The following EIF4E variants were observed in gnomAD, a reference collection of about 807,000 sequenced individuals.
The protein encoded by EIF4E is eukaryotic translation initiation factor 4E.
For missense variants in EIF4E, 113 were observed against 265.6 expected (o/e 0.43, Z 3.99); for synonymous variants, 71 against 88.5 (o/e 0.80, Z 1.11).
chr4:98,890,727 C>T (rs1206391243), intron 3 of EIF4E: 1 of 154,800 alleles, frequency 6.5e-6, no homozygotes, highest in African/African-American at 2.4e-5. Flanking sequence ...AACTATTCTT[C>T]TTGAGGTTGA....
intron 1 of EIF4E, among the ~76,000 whole-genome samples, chr4:98,927,119 T>G (rs567302598): frequency 1.3e-4 from 20 of 152,242 alleles, no homozygotes; most frequent in Non-Finnish European, 2.8e-4. Flanking sequence ...TTTTACATAC[T>G]TATTCTTCAT....
chr4:98,888,427 GA>G (rs1724012420), intron 3 of EIF4E, among the ~76,000 whole-genome samples: 1 of 152,084 alleles, frequency 6.6e-6, no homozygotes, highest in African/African-American at 2.4e-5. Flanking sequence ...TCCAAGAGTA[GA>G]ATAGATCAAC....
intron 1 of EIF4E, among the ~76,000 whole-genome samples, chr4:98,922,850 C>CTTTTTT (rs112293850): frequency 7.3e-6 from 1 of 136,704 alleles, no homozygotes; most frequent in Non-Finnish European, 1.6e-5. Context: ...TTTCTTTTTT[C>CTTTTTT]TTTTTTTTTT....
intron 1 of EIF4E, among the ~76,000 whole-genome samples, chr4:98,919,338 A>C (rs900389279): frequency 4.7e-5 from 7 of 148,090 alleles, no homozygotes; most frequent in Admixed American, 1.3e-4. Context: ...CTAGCAAAAA[A>C]AAAAAAAACA....
At chr4:98,926,590 A>G (rs1560658934) in intron 1 of EIF4E, 1 of 152,128 alleles carries the variant, frequency 6.6e-6, no homozygotes, top group African/African-American at 2.4e-5. Flanking sequence ...CTTCGATACT[A>G]TTTTACATAT....
Position 98,928,394 on chromosome 4 carries a change from C to A in EIF4E, c.18+701G>T, listed in dbSNP as rs554737199. On this transcript the variant is annotated intron_variant, in intron 1 of 6. Transcript: ENST00000450253. ...ACTTGGAGAGCTTCACCGTGACACA[C>A]GAGTGTTCCTTCCCACCCCAGACCT... is the stretch of plus-strand genomic sequence containing the variant. Among the ~76,000 whole-genome samples, 12 of 152,210 alleles carry A rather than the reference C, an allele frequency of 7.9e-5. 1 individual carries two copies. In the South Asian group the frequency reaches 2.5e-3, roughly 32 times the overall value.
chr4:98,907,842 C>A (rs921966385), intron 1 of EIF4E, among the ~76,000 whole-genome samples: 3 of 152,096 alleles, frequency 2.0e-5, no homozygotes, highest in African/African-American at 7.2e-5. Context: ...CATCAACAAT[C>A]CAAGAGTTTG....
intron 2 of EIF4E, among the ~76,000 whole-genome samples, chr4:98,897,032 A>C (rs1579160789): frequency 6.6e-6 from 1 of 152,308 alleles, no homozygotes; most frequent in East Asian, 1.9e-4. Context: ...GAATTATTTA[A>C]ATCAGCAGTT....
At chr4:98,890,046 C>T (rs1185114030) in intron 3 of EIF4E, among the ~76,000 whole-genome samples, 8 of 152,154 alleles carry the variant, frequency 5.3e-5, no homozygotes, top group African/African-American at 1.9e-4. Context: ...AGTTTACTCT[C>T]AAATGAATGT....
At chr4:98,882,911 T>A (rs959779988) in intron 6 of EIF4E, among the ~76,000 whole-genome samples, 2 of 152,176 alleles carry the variant, frequency 1.3e-5, no homozygotes, top group African/African-American at 4.8e-5. Context: ...AAATCAACTC[T>A]TTTCTCTTAT....
intron 1 of EIF4E, 36 bp from the exon 2 acceptor site, chr4:98,902,018 T>C: frequency 6.4e-7 from 1 of 1,557,200 alleles, no homozygotes; most frequent in Non-Finnish European, 8.9e-7. Flanking sequence ...ATTTTAAATG[T>C]CTTAACACAT....
chr4:98,917,119 CACACACACACACACAAAAAA>C (rs1560652600), intron 1 of EIF4E, among the ~76,000 whole-genome samples: 1 of 59,966 alleles, frequency 1.7e-5, no homozygotes, highest in African/African-American at 8.0e-5. Context: ...CACACACACA[CACACACACACACACAAAAAA>C]AACCCAAATG....
intron 2 of EIF4E, among the ~76,000 whole-genome samples, chr4:98,901,283 C>A (rs1213481732): frequency 6.6e-6 from 1 of 151,674 alleles, no homozygotes; most frequent in Non-Finnish European, 1.5e-5. Context: ...CTGCAACCTG[C>A]ACCTCCTGGG....
At chr4:98,924,258 T>C (rs558859091) in intron 1 of EIF4E, among the ~76,000 whole-genome samples, 5 of 152,206 alleles carry the variant, frequency 3.3e-5, no homozygotes, top group Non-Finnish European at 7.4e-5. Flanking sequence ...TTTGTATTTT[T>C]AGTAGAGGTG....
Position 98,881,003 on chromosome 4 carries a change from A to G in EIF4E, c.*25T>C, listed in dbSNP as rs761363263. 8.1e-6 allele frequency: 13 copies of G among 1,596,022 alleles called. No individual in the cohort carries two copies. In the South Asian group the frequency reaches 9.0e-5, roughly 11 times the overall value. On this transcript the variant is annotated 3_prime_UTR_variant, in exon 7 of 7. Transcript: ENST00000450253. ...TCTCGATTGCTTGACGCAGTCTCCT[A>G]TGAGAATACTCAGAAGGTGTCTTCT...
At chr4:98,922,513 G>A (rs991307041) in intron 1 of EIF4E, among the ~76,000 whole-genome samples, 11 of 149,634 alleles carry the variant, frequency 7.4e-5, no homozygotes, top group African/African-American at 1.2e-4. Context: ...CCGAGATCGC[G>A]CCACTGTACT....
At chr4:98,885,969 A>C (rs1292764157) in intron 5 of EIF4E, among the ~76,000 whole-genome samples, 1 of 152,036 alleles carries the variant, frequency 6.6e-6, no homozygotes, top group Non-Finnish European at 1.5e-5. Context: ...TCCCCCTCAA[A>C]AACAGAATTT....
chr4:98,928,603 G>A (rs1407943811), intron 1 of EIF4E, among the ~76,000 whole-genome samples: 1 of 152,092 alleles, frequency 6.6e-6, no homozygotes, highest in Non-Finnish European at 1.5e-5. Flanking sequence ...GTCTAAGGAA[G>A]ACGTGCGCGC....
At chr4:98,924,077 G>GTTTTT (rs201322206) in intron 1 of EIF4E, among the ~76,000 whole-genome samples, 3 of 143,612 alleles carry the variant, frequency 2.1e-5, no homozygotes. Context: ...AACTTCTTTT[G>GTTTTT]TTTATTTTTT....
Sources: allele counts gnomAD v4.1 joint callset (sites outside exome capture counted in the v4.1 genomes callset), GRCh38; gene constraint gnomAD v4.1.1; transcripts MANE v1.5; gene names NCBI Gene and HGNC (gene_info 2026-07-23, HGNC 2026-07-21).